Variants in HPSE observed in about 807,000 individuals in gnomAD.
HPSE encodes the protein endo-glucoronidase.
A neutral mutation model predicts 65.1 loss-of-function variants in HPSE; 48 were observed. The ratio of observed to expected loss-of-function variants is 0.74; its 90% CI spans 0.58 to 0.94. HPSE has a LOEUF of 0.94. HPSE is among the 40% of genes least tolerant of loss of function. HPSE has a pLI of 0.00. For missense variants in HPSE, 644 were observed against 637.5 expected (o/e 1.01, Z -0.11); for synonymous variants, 243 against 260.0 (o/e 0.93, Z 0.63).
intron 1 of HPSE, among the ~76,000 whole-genome samples, chr4:83,323,072 A>T (rs1736987936): frequency 6.6e-6 from 1 of 152,084 alleles, no homozygotes; most frequent in Non-Finnish European, 1.5e-5. Flanking sequence ...ATAGAAACTA[A>T]GGGAAAGACA....
At position 83,296,621 on chromosome 4, in the gene HPSE, G is replaced by T. The variant is rs180865537; in HGVS notation, c.1473-1118C>A. On this transcript the variant is annotated intron_variant, in intron 11 of 11. Transcript: ENST00000311412. ...ACCTGGGAGGCGGAGGTTGCAGTGA[G>T]CCGAGATTGCACCACTGCACTCCAG... 6.8e-4 allele frequency among the ~76,000 whole-genome samples: 103 copies of T among 151,414 alleles called. 1 individual carries two copies. The East Asian group carries it at 0.015, about 22-fold the overall frequency.
chr4:83,318,320 T>A (rs1736734235), intron 3 of HPSE, among the ~76,000 whole-genome samples: 1 of 152,044 alleles, frequency 6.6e-6, no homozygotes, highest in African/African-American at 2.4e-5. Flanking sequence ...TAAAAATATA[T>A]TTCATAGTTA....
intron 1 of HPSE, among the ~76,000 whole-genome samples, chr4:83,331,756 C>A (rs1737382238): frequency 6.6e-6 from 1 of 152,090 alleles, no homozygotes; most frequent in Non-Finnish European, 1.5e-5. Flanking sequence ...AGGTTTGGGC[C>A]CTGATACTGT....
rs529812397 is a variant in HPSE at position 83,295,696 on chromosome 4, G to T, written c.1473-193C>A. The stretch of plus-strand genomic sequence containing the variant: ...ATCTTTAAGCTACAATGGCAGGGAT[G>T]AGTAGTTATGATAGAGACCATATGG... On this transcript the variant is annotated intron_variant, in intron 11 of 11. Transcript: ENST00000311412. Among the ~76,000 whole-genome samples, 8 of 152,278 alleles carry T rather than the reference G, an allele frequency of 5.3e-5. No individual in the cohort carries two copies. In the East Asian group the frequency reaches 1.2e-3, roughly 22 times the overall value.
upstream of HPSE, chr4:83,334,967 C>T (rs1737561991): frequency 1.1e-6 from 1 of 950,070 alleles, no homozygotes; most frequent in East Asian, 2.9e-5. Flanking sequence ...CCACTGCTCC[C>T]AATCCAACCC....
intron 2 of HPSE, 64 bp downstream of exon 2, chr4:83,322,155 C>A: frequency 7.1e-7 from 1 of 1,412,440 alleles, no homozygotes; most frequent in South Asian, 1.2e-5. Context: ...ACAGTTTTCT[C>A]AAAGCATTCT....
At chr4:83,322,442 C>G in intron 1 of HPSE, 78 bp from the exon 2 acceptor site, 1 of 1,185,398 alleles carries the variant, frequency 8.4e-7, no homozygotes, top group Non-Finnish European at 1.2e-6. Context: ...TCCTTCTTTC[C>G]TGGTGGACCT....
At chr4:83,301,443 G>A (rs1184157044) in intron 10 of HPSE, among the ~76,000 whole-genome samples, 3 of 152,156 alleles carry the variant, frequency 2.0e-5, no homozygotes, top group African/African-American at 4.8e-5. Context: ...GAAGGTAAAA[G>A]GCAAATTTTG....
In HPSE at chr4:83,326,621, C is replaced by A. The variant is rs1049349984; in HGVS notation, c.228-4257G>T. The stretch of plus-strand genomic sequence containing the variant: ...CATACAGGCCGGGAATATAGACAGG[C>A]GAGTCCTCAGTAGAAATGTCAGGGA... On this transcript the variant is annotated intron_variant, in intron 1 of 11. Coordinates refer to ENST00000311412, the MANE Select transcript of HPSE (RefSeq NM_001098540.3). The surrounding 1 kb of genome is among the most constrained non-coding windows in gnomAD (Gnocchi z 4.2). Among the ~76,000 whole-genome samples, 1 of 152,172 alleles carries A rather than the reference C, an allele frequency of 6.6e-6. No homozygotes were observed. Among genetic ancestry groups the A allele is most frequent in the Non-Finnish European group, 1.5e-5 (1 of 68,032 alleles).
intron 1 of HPSE, among the ~76,000 whole-genome samples, chr4:83,333,661 G>A (rs1339364643): frequency 6.6e-6 from 1 of 152,096 alleles, no homozygotes; most frequent in East Asian, 1.9e-4. Flanking sequence ...CCTGCATCAG[G>A]TTCCTTCTTT....
chr4:83,322,118 C>T (rs1736917984), intron 2 of HPSE, 101 bp downstream of exon 2: 3 of 877,774 alleles, frequency 3.4e-6, no homozygotes. Flanking sequence ...GGAAGTTAAT[C>T]TCATTAATTG....
chr4:83,318,428 G>A (rs927869352), intron 3 of HPSE, among the ~76,000 whole-genome samples: 1 of 151,976 alleles, frequency 6.6e-6, no homozygotes, highest in Non-Finnish European at 1.5e-5. Context: ...AGTTCGAGAC[G>A]AGCCTGGAGC....
chr4:83,329,151 T>A (rs1333106772), intron 1 of HPSE, among the ~76,000 whole-genome samples: 1 of 152,094 alleles, frequency 6.6e-6, no homozygotes, highest in African/African-American at 2.4e-5. Flanking sequence ...AAATGTTTGG[T>A]GCAACATCAG....
At chr4:83,331,945 C>T (rs1299114150) in intron 1 of HPSE, among the ~76,000 whole-genome samples, 1 of 152,242 alleles carries the variant, frequency 6.6e-6, no homozygotes, top group African/African-American at 2.4e-5. Flanking sequence ...AGTTACTTAA[C>T]CTCCCTGAGC....
At chr4:83,309,721 C>G (rs925216761) in intron 6 of HPSE, among the ~76,000 whole-genome samples, 6 of 152,102 alleles carry the variant, frequency 3.9e-5, no homozygotes, top group Admixed American at 3.9e-4. Context: ...AACACAGTGG[C>G]AAGTACATGT....
intron 2 of HPSE, among the ~76,000 whole-genome samples, chr4:83,320,063 C>G (rs1350337949): frequency 6.8e-6 from 1 of 147,394 alleles, no homozygotes; most frequent in African/African-American, 2.5e-5. Context: ...TGGAAATTAC[C>G]AGAGAACTCT....
At chr4:83,324,245 C>T (rs954543033) in intron 1 of HPSE, among the ~76,000 whole-genome samples, 2 of 151,274 alleles carry the variant, frequency 1.3e-5, no homozygotes, top group African/African-American at 4.9e-5. Context: ...CTTCACCCTC[C>T]CAAAGTGTTG....
chr4:83,297,401 C>T (rs1337639096), intron 11 of HPSE, among the ~76,000 whole-genome samples: 1 of 151,796 alleles, frequency 6.6e-6, no homozygotes, highest in African/African-American at 2.4e-5. Context: ...GATTCTTCCC[C>T]CCACCCCAGC....
At chr4:83,328,126 G>T (rs1442539013) in intron 1 of HPSE, among the ~76,000 whole-genome samples, 1 of 152,206 alleles carries the variant, frequency 6.6e-6, no homozygotes, top group Non-Finnish European at 1.5e-5. Context: ...GACTGTATTA[G>T]TTTGTTAGGG....
Sources: allele counts gnomAD v4.1 joint callset (sites outside exome capture counted in the v4.1 genomes callset), GRCh38; gene constraint gnomAD v4.1.1; non-coding constraint Gnocchi (gnomAD v3.1); transcripts MANE v1.5; gene names NCBI Gene and HGNC (gene_info 2026-07-23, HGNC 2026-07-21).